The following MSRA variants were observed in gnomAD, a reference collection of about 807,000 sequenced individuals.
MSRA encodes the protein mitochondrial peptide methionine sulfoxide reductase.
MSRA carries 54 observed loss-of-function variants against 31.3 expected under a neutral mutation model. The observed-to-expected ratio is 1.73, with a 90% confidence interval of 1.39 to 2.17. The LOEUF (loss-of-function observed/expected upper bound fraction) is 2.17. Ranked by LOEUF, MSRA falls within the 30% of genes most tolerant of loss-of-function variation. MSRA has a pLI of 0.00. For missense variants in MSRA, 507 were observed against 300.9 expected (o/e 1.69, Z -5.07); for synonymous variants, 169 against 116.5 (o/e 1.45, Z -2.90).
At chr8:10,279,461 G>T (rs1022244190) in intron 3 of MSRA, among the ~76,000 whole-genome samples, 1 of 152,108 alleles carries the variant, frequency 6.6e-6, no homozygotes, top group African/African-American at 2.4e-5. Flanking sequence ...CTTTGGGGCA[G>T]CGTTTTCTGA....
intron 5 of MSRA, among the ~76,000 whole-genome samples, chr8:10,337,982 T>G (rs907361752): frequency 6.6e-5 from 10 of 152,010 alleles, no homozygotes; most frequent in Non-Finnish European, 1.5e-4. Context: ...AAGCAGGGGT[T>G]AGGGGAGTTG....
chr8:10,066,014 A>G (rs1797437486), intron 1 of MSRA, among the ~76,000 whole-genome samples: 1 of 149,272 alleles, frequency 6.7e-6, no homozygotes, highest in South Asian at 2.1e-4. Context: ...AATATAACTT[A>G]ATATAATAAT....
intron 1 of MSRA, among the ~76,000 whole-genome samples, chr8:10,175,195 C>G (rs1048339135): frequency 6.6e-6 from 1 of 152,152 alleles, no homozygotes; most frequent in African/African-American, 2.4e-5. Context: ...CCACGATGGT[C>G]ACACTGCATC....
chr8:10,137,771 A>C (rs536237966), intron 1 of MSRA, among the ~76,000 whole-genome samples: 1 of 152,186 alleles, frequency 6.6e-6, no homozygotes, highest in Admixed American at 6.5e-5. Flanking sequence ...TGCCCCTTCC[A>C]GGTAACCCCC....
chr8:10,100,323 C>G (rs112480173), intron 1 of MSRA, among the ~76,000 whole-genome samples: 1 of 151,972 alleles, frequency 6.6e-6, no homozygotes, highest in Non-Finnish European at 1.5e-5. Context: ...GTGTCCAAGG[C>G]GGTGAGGGGC....
At chr8:10,166,472 A>G (rs149160640) in intron 1 of MSRA, among the ~76,000 whole-genome samples, 1 of 152,174 alleles carries the variant, frequency 6.6e-6, no homozygotes, top group African/African-American at 2.4e-5. Context: ...TATTTACATG[A>G]CTACATATGT....
At chr8:10,195,334 G>C (rs980152706) in intron 1 of MSRA, among the ~76,000 whole-genome samples, 12 of 152,122 alleles carry the variant, frequency 7.9e-5, no homozygotes, top group Admixed American at 7.9e-4. Flanking sequence ...TCTGCCTCCC[G>C]GGTTCAGACA....
intron 1 of MSRA, among the ~76,000 whole-genome samples, chr8:10,115,278 G>C (rs1466438762): frequency 6.6e-6 from 1 of 152,192 alleles, no homozygotes; most frequent in Non-Finnish European, 1.5e-5. Flanking sequence ...AGTAACTGCG[G>C]TCATGGTGTT....
intron 5 of MSRA, among the ~76,000 whole-genome samples, chr8:10,388,038 C>G (rs956782824): frequency 6.6e-6 from 1 of 152,134 alleles, no homozygotes; most frequent in African/African-American, 2.4e-5. Flanking sequence ...TCTAGGTTCT[C>G]CAATGGAGCC....
At chr8:10,093,271 A>G (rs1374750748) in intron 1 of MSRA, among the ~76,000 whole-genome samples, 1 of 151,814 alleles carries the variant, frequency 6.6e-6, no homozygotes, top group African/African-American at 2.4e-5. Context: ...TTCTGTTACT[A>G]CCTTATTTTA....
Position 10,301,788 on chromosome 8 carries a change from G to T in MSRA, c.436+150G>T. The T allele has an allele frequency of 4.3e-6, 3 of 692,946 alleles. No individual in the cohort carries two copies. In the South Asian group the frequency reaches 6.2e-5, roughly 14 times the overall value. 42.9% of individuals were successfully genotyped at this position (692,946 alleles called of 1,614,324 possible). On this transcript the variant is annotated intron_variant, in intron 4 of 5. Coordinates refer to ENST00000317173, the MANE Select transcript of MSRA (RefSeq NM_012331.5). Reference sequence around the variant, plus strand: ...CATTTATTGACGGAGGAGAGGAGGGGCTGGGGAGAAAAAGGGTGAGAGAAT... The same window carrying T: ...CATTTATTGACGGAGGAGAGGAGGGTCTGGGGAGAAAAAGGGTGAGAGAAT...
At chr8:10,087,522 G>T (rs760012576) in intron 1 of MSRA, among the ~76,000 whole-genome samples, 1 of 152,150 alleles carries the variant, frequency 6.6e-6, no homozygotes, top group African/African-American at 2.4e-5. Flanking sequence ...GTGCTCTTTG[G>T]AGTTTCAGAT....
chr8:10,424,404 C>T (rs1305873938), intron 5 of MSRA, among the ~76,000 whole-genome samples: 4 of 133,796 alleles, frequency 3.0e-5, no homozygotes, highest in Admixed American at 1.5e-4. Context: ...GAGAAGGACC[C>T]GGAATGGAAT....
chr8:10,358,427 A>G (rs578054087), intron 5 of MSRA, among the ~76,000 whole-genome samples: 6 of 152,172 alleles, frequency 3.9e-5, no homozygotes, highest in African/African-American at 1.4e-4. Flanking sequence ...TATTTGCATT[A>G]TCAGATCATA....
At chr8:10,248,937 G>A (rs933800180) in intron 3 of MSRA, among the ~76,000 whole-genome samples, 1 of 152,198 alleles carries the variant, frequency 6.6e-6, no homozygotes, top group Non-Finnish European at 1.5e-5. Flanking sequence ...ACAGTCACTT[G>A]GAAGAGAGAT....
intron 1 of MSRA, among the ~76,000 whole-genome samples, chr8:10,059,425 G>A (rs189049865): frequency 1.3e-5 from 2 of 152,316 alleles, no homozygotes. Flanking sequence ...CTAATAAGTA[G>A]TGGAGCTGGG....
At chr8:10,076,888 C>T (rs187425888) in intron 1 of MSRA, among the ~76,000 whole-genome samples, 22 of 151,760 alleles carry the variant, frequency 1.4e-4, no homozygotes, top group African/African-American at 4.4e-4. Context: ...AGAGCATACA[C>T]TGGGGCCGGG....
chr8:10,228,411 G>A (rs915236292), intron 2 of MSRA, among the ~76,000 whole-genome samples: 8 of 152,122 alleles, frequency 5.3e-5, no homozygotes, highest in African/African-American at 1.9e-4. Flanking sequence ...TACAGAAAAT[G>A]CACCTCTAAT....
chr8:10,212,720 A>G (rs1253929212), intron 2 of MSRA, among the ~76,000 whole-genome samples: 3 of 152,172 alleles, frequency 2.0e-5, no homozygotes, highest in Non-Finnish European at 4.4e-5. Flanking sequence ...CCATTACTTG[A>G]GATATTCAGA....
Sources: gnomAD v4.1 joint callset for allele counts (sites outside exome capture counted in the v4.1 genomes callset) on GRCh38, gnomAD v4.1.1 for gene constraint, MANE v1.5 for transcripts, NCBI Gene and HGNC (gene_info 2026-07-23, HGNC 2026-07-21) for gene names.